GNE: variants seen among roughly 807,000 people sequenced by gnomAD.
GNE encodes glucosamine (UDP-N-acetyl)-2-epimerase/N-acetylmannosamine kinase.
GNE carries 41 observed loss-of-function variants against 61.8 expected under a neutral mutation model. The observed-to-expected ratio is 0.66, with a 90% CI of 0.52 to 0.86. The LOEUF (loss-of-function observed/expected upper bound fraction) is 0.86, where lower values mean the gene tolerates loss of function less well. GNE is among the 40% of genes least tolerant of loss of function. The pLI, the probability that GNE is intolerant of heterozygous loss-of-function variation, is 0.00. For synonymous variants in GNE, 264 were observed against 326.4 expected (o/e 0.81, Z 2.06); for missense variants, 608 against 909.1 (o/e 0.67, Z 4.26).
chr9:36,245,280 A>T (rs1428820724), intron 3 of GNE, among the ~76,000 whole-genome samples: 1 of 152,030 alleles, frequency 6.6e-6, no homozygotes, highest in Non-Finnish European at 1.5e-5. Context: ...CAAAAAAAAA[A>T]TTCAGAAAAT....
intron 1 of GNE, among the ~76,000 whole-genome samples, chr9:36,272,716 C>G (rs890803206): frequency 6.7e-5 from 10 of 149,282 alleles, no homozygotes. Context: ...AATAATATTT[C>G]AGGACCTCAA....
At chr9:36,249,933 C>T (rs1402449303) in intron 1 of GNE, among the ~76,000 whole-genome samples, 1 of 151,740 alleles carries the variant, frequency 6.6e-6, no homozygotes, top group East Asian at 1.9e-4. Context: ...GTAACACCAC[C>T]CCATCCTCTC....
Position 36,219,887 on chromosome 9 carries a change from T to C in GNE, c.1767A>G (p.Ala589=), listed in dbSNP as rs777310871. ...TCTGCAAGGCCATTCCAGAGGCGTA[T>C]GCTTCAATGCACCCATGGCTTCCAC... ...CSCGSHGCIE[A]YASGMALQRE... The change falls in exon 10 of 12, where the codon GCA becomes GCG. Residue 589 remains alanine (A), a synonymous_variant. Transcript: ENST00000642385. The C allele has an allele frequency of 7.9e-5, 127 of 1,614,092 alleles. No individual in the cohort carries two copies. The highest frequency in any genetic ancestry group is 1.0e-4 in the Non-Finnish European group (120 of 1,180,034).
chr9:36,275,854 C>T (rs1013494562), intron 1 of GNE, among the ~76,000 whole-genome samples: 4 of 152,098 alleles, frequency 2.6e-5, no homozygotes, highest in African/African-American at 9.7e-5. Flanking sequence ...GCAATAATTG[C>T]AGGAATAATA....
At chr9:36,267,002 G>A (rs1218807789) in intron 1 of GNE, among the ~76,000 whole-genome samples, 1 of 152,188 alleles carries the variant, frequency 6.6e-6, no homozygotes, top group Non-Finnish European at 1.5e-5. Context: ...GGAGGCGAAG[G>A]TTACACTGAG....
rs949110369 is a variant in GNE at position 36,236,857 on chromosome 9, T to G, written c.744A>C (p.Leu248=). The change falls in exon 4 of 12, where the codon CTA becomes CTC. Residue 248 remains leucine (L), a synonymous_variant. Coordinates refer to ENST00000642385, the MANE Select transcript of GNE (RefSeq NM_005476.7). Reference sequence around the variant, plus strand: ...CTGCGTCAATATTTGGAAACAGGACTAGGGTCCGCTTGTTAAATGAGATAA... The same window carrying G: ...CTGCGTCAATATTTGGAAACAGGACGAGGGTCCGCTTGTTAAATGAGATAA... ...DALISFNKRT[L]VLFPNIDAGS... 1 of 1,613,694 alleles carries G rather than the reference T, an allele frequency of 6.2e-7. No individual in the cohort carries two copies. Among genetic ancestry groups the G allele is most frequent in the Non-Finnish European group, 8.5e-7 (1 of 1,179,722 alleles).
intron 2 of GNE, among the ~76,000 whole-genome samples, chr9:36,248,154 T>C (rs1829976929): frequency 6.6e-6 from 1 of 152,088 alleles, no homozygotes; most frequent in African/African-American, 2.4e-5. Context: ...AAAAGGACAA[T>C]TTTATTTTAA....
chr9:36,264,344 A>G (rs868105748), intron 1 of GNE, among the ~76,000 whole-genome samples: 1 of 152,108 alleles, frequency 6.6e-6, no homozygotes, highest in African/African-American at 2.4e-5. Context: ...TCATGTTGCC[A>G]GGATGGTCTC....
At chr9:36,266,354 T>C (rs1398438845) in intron 1 of GNE, among the ~76,000 whole-genome samples, 1 of 152,250 alleles carries the variant, frequency 6.6e-6, no homozygotes, top group African/African-American at 2.4e-5. Flanking sequence ...TATCACTGCA[T>C]ACGCCAGATT....
At chr9:36,258,631 TCTTCCATGG>T (rs1830499740), upstream of GNE, 2 of 524,756 alleles carry the variant, frequency 3.8e-6, no homozygotes, top group African/African-American at 4.1e-5. Flanking sequence ...CAGCGGACCA[TCTTCCATGG>T]CCTCTGCCGC....
At chr9:36,258,889 G>A (rs536366513), upstream of GNE, among the ~76,000 whole-genome samples, 10 of 152,308 alleles carry the variant, frequency 6.6e-5, no homozygotes, top group East Asian at 1.9e-3. Flanking sequence ...AACCCTTGCC[G>A]TGACTGCTAG....
chr9:36,267,791 G>T (rs1008296145), intron 1 of GNE: 2 of 151,892 alleles, frequency 1.3e-5, no homozygotes, highest in Admixed American at 1.3e-4. Context: ...GTAGCTTTGT[G>T]CAGTGGCAGT....
intron 3 of GNE, among the ~76,000 whole-genome samples, chr9:36,239,895 TTTTA>T (rs1175155864): frequency 6.6e-6 from 1 of 151,918 alleles, no homozygotes; most frequent in Non-Finnish European, 1.5e-5. Flanking sequence ...ATTTTACTTA[TTTTA>T]TTTTATTTTA....
At chr9:36,217,851 A>C (rs915773288) in intron 11 of GNE, among the ~76,000 whole-genome samples, 11 of 152,222 alleles carry the variant, frequency 7.2e-5, no homozygotes, top group Non-Finnish European at 1.5e-4. Flanking sequence ...GAAAGACTCG[A>C]AGGAAATGTT....
intron 1 of GNE, among the ~76,000 whole-genome samples, chr9:36,271,117 TC>T (rs1831014446): frequency 6.6e-6 from 1 of 152,128 alleles, no homozygotes; most frequent in South Asian, 2.1e-4. Context: ...TTTAAGGTCC[TC>T]CACAATTTAA....
chr9:36,269,488 C>G lies in GNE; in HGVS notation c.51+7406G>C, dbSNP rs1471422758. Among the ~76,000 whole-genome samples, 3 of 151,346 alleles carry G rather than the reference C, an allele frequency of 2.0e-5. No homozygotes were observed. The Admixed American group carries it at 2.0e-4, about 10-fold the overall frequency. On this transcript the variant is annotated intron_variant, in intron 1 of 11. Transcript: ENST00000396594. ...ACTTCAAACTCAATATATGAAAGTT[C>G]ATTTTATCCTGTTGACTTTGCTATT... is the stretch of plus-strand genomic sequence containing the variant.
intron 5 of GNE, among the ~76,000 whole-genome samples, chr9:36,231,332 T>G (rs758765684): frequency 6.6e-6 from 1 of 152,128 alleles, no homozygotes; most frequent in Non-Finnish European, 1.5e-5. Flanking sequence ...TAGCCAGGCA[T>G]GGCTGAGGAG....
At chr9:36,251,661 C>T (rs944006965) in intron 1 of GNE, among the ~76,000 whole-genome samples, 1 of 152,146 alleles carries the variant, frequency 6.6e-6, no homozygotes, top group African/African-American at 2.4e-5. Flanking sequence ...GTTCATGTTT[C>T]AGTAAGTGTA....
rs1377094231 is a variant in GNE, at chr9:36,271,654, G to A, written c.51+5240C>T. ...CTCCCAAAGTGCTGGGATTACAGGC[G>A]TGAGCCACCATGCCTGACCTCAAAC... is the stretch of plus-strand genomic sequence containing the variant. On this transcript the variant is annotated intron_variant, in intron 1 of 11. Coordinates refer to the GNE transcript ENST00000396594. 5.3e-5 allele frequency among the ~76,000 whole-genome samples: 8 copies of A among 152,098 alleles called. No homozygotes were observed. The South Asian group carries it at 6.2e-4, about 12-fold the overall frequency.
Sources: allele counts gnomAD v4.1 joint callset (sites outside exome capture counted in the v4.1 genomes callset), GRCh38; gene constraint gnomAD v4.1.1; transcripts MANE v1.5; gene names NCBI Gene and HGNC (gene_info 2026-07-23, HGNC 2026-07-21).